ADAM22: variants seen among roughly 807,000 people sequenced by gnomAD.
ADAM22 encodes the protein ADAM metallopeptidase domain 22.
A neutral mutation model predicts 144.6 loss-of-function variants in ADAM22; 65 were observed. The observed-to-expected ratio is 0.45, with a 90% confidence interval of 0.37 to 0.55. The LOEUF (loss-of-function observed/expected upper bound fraction) is 0.55, where lower values mean the gene tolerates loss of function less well. ADAM22 is among the 20% of genes least tolerant of loss of function. ADAM22 has a pLI of 0.00. For synonymous variants in ADAM22, 391 were observed against 412.6 expected, an observed-to-expected ratio of 0.95 and a Z score of 0.63; for missense variants, 974 against 1,184.9, an observed-to-expected ratio of 0.82 and a Z score of 2.61.
At chr7:88,188,946 A>C (rs927051033) in intron 30 of ADAM22, among the ~76,000 whole-genome samples, 1 of 152,232 alleles carries the variant, frequency 6.6e-6, no homozygotes, top group African/African-American at 2.4e-5. Context: ...CACCTGCCTC[A>C]GCCTCCCAGA....
chr7:87,983,357 T>G (rs1854187680), intron 3 of ADAM22, among the ~76,000 whole-genome samples: 1 of 152,130 alleles, frequency 6.6e-6, no homozygotes, highest in African/African-American at 2.4e-5. Context: ...AATTCAGTAT[T>G]TTTGTTTTTA....
intron 2 of ADAM22, among the ~76,000 whole-genome samples, chr7:87,961,785 G>C (rs1157375772): frequency 6.6e-6 from 1 of 152,166 alleles, no homozygotes; most frequent in African/African-American, 2.4e-5. Context: ...CATTAAGACA[G>C]AGTTTTGTTA....
At chr7:88,058,453 G>A (rs1444215362) in intron 3 of ADAM22, among the ~76,000 whole-genome samples, 1 of 152,150 alleles carries the variant, frequency 6.6e-6, no homozygotes, top group Non-Finnish European at 1.5e-5. Context: ...AGAGATGTCT[G>A]TTTAAATATT....
intron 2 of ADAM22, among the ~76,000 whole-genome samples, chr7:87,938,180 T>C (rs891356493): frequency 2.6e-5 from 4 of 151,614 alleles, no homozygotes; most frequent in Admixed American, 6.6e-5. Flanking sequence ...TTCTAATTTA[T>C]GGCATTTTAA....
intron 2 of ADAM22, among the ~76,000 whole-genome samples, chr7:87,943,548 A>G (rs142279165): frequency 2.0e-5 from 3 of 152,276 alleles, no homozygotes; most frequent in Admixed American, 1.3e-4. Flanking sequence ...AAATAGAAAT[A>G]TTTTATATAA....
rs1346808306 is a variant in ADAM22 at position 88,051,761 on chromosome 7, A to C, written c.324-23865A>C. 2.0e-5 allele frequency among the ~76,000 whole-genome samples: 3 copies of C among 152,068 alleles called. No individual in the cohort carries two copies. In the South Asian group the frequency reaches 6.2e-4, roughly 32 times the overall value. ...AGTCCATTTTTTGCTATTTCTTAACAAGTTTTATAGAGTCTTGGCCTTTGA... is the reference window on the plus strand; with the variant it reads ...AGTCCATTTTTTGCTATTTCTTAACCAGTTTTATAGAGTCTTGGCCTTTGA... On this transcript the variant is annotated intron_variant, in intron 3 of 31. Transcript: ENST00000413139.
chr7:88,162,207 G>A (rs868487232), intron 22 of ADAM22, among the ~76,000 whole-genome samples: 2 of 151,814 alleles, frequency 1.3e-5, no homozygotes, highest in East Asian at 1.9e-4. Context: ...GCTGGAGGCC[G>A]TCATCCTTAG....
At chr7:88,074,211 T>A (rs900162999) in intron 3 of ADAM22, among the ~76,000 whole-genome samples, 2 of 152,224 alleles carry the variant, frequency 1.3e-5, no homozygotes, top group African/African-American at 4.8e-5. Flanking sequence ...GTATATTTAG[T>A]GTATCCTGGA....
At chr7:88,170,344 A>G (rs1181939047) in intron 25 of ADAM22, among the ~76,000 whole-genome samples, 1 of 151,902 alleles carries the variant, frequency 6.6e-6, no homozygotes. Flanking sequence ...TACTTATTCT[A>G]TTTGCAATTT....
At chr7:87,944,613 A>G (rs1348273030) in intron 2 of ADAM22, among the ~76,000 whole-genome samples, 1 of 152,162 alleles carries the variant, frequency 6.6e-6, no homozygotes, top group Non-Finnish European at 1.5e-5. Flanking sequence ...AGATATGGTC[A>G]GGAACAGGCT....
chr7:88,053,591 G>GAAAGAAAGAAA lies in ADAM22; in HGVS notation c.324-22035_324-22034insAAAGAAAGAAA, dbSNP rs1807183581. 7.9e-5 allele frequency among the ~76,000 whole-genome samples: 9 copies of GAAAGAAAGAAA among 113,398 alleles called. No homozygotes were observed. The East Asian group carries it at 8.2e-4, about 10-fold the overall frequency. 74.4% of individuals were successfully genotyped at this position (113,398 alleles called of 152,430 possible). A position where few individuals can be genotyped will look rare whatever the true frequency, so the allele number is the denominator to read the frequency against. ...AGGAAGGAGGAAAGGAAGGAAGGAA[G>GAAAGAAAGAAA]GAAAGAAAGAAAGAAAGAAAGAAAG... is the stretch of plus-strand genomic sequence containing the variant. On this transcript the variant is annotated intron_variant, in intron 3 of 31. Coordinates refer to ENST00000413139, the MANE Select transcript of ADAM22 (RefSeq NM_001324418.2).
chr7:88,136,126 A>G, intron 14 of ADAM22, 95 bp downstream of exon 14: 2 of 1,014,350 alleles, frequency 2.0e-6, no homozygotes, highest in Non-Finnish European at 2.8e-6. Flanking sequence ...TAGTGCATGG[A>G]ATCTAGCACT....
intron 3 of ADAM22, among the ~76,000 whole-genome samples, chr7:88,052,771 G>A (rs200403542): frequency 2.0e-5 from 3 of 151,956 alleles, no homozygotes; most frequent in African/African-American, 4.8e-5. Context: ...GTCCTTCCCC[G>A]GTCAGCTATC....
chr7:87,942,355 T>C (rs1206334033), intron 2 of ADAM22, among the ~76,000 whole-genome samples: 4 of 152,206 alleles, frequency 2.6e-5, no homozygotes, highest in Non-Finnish European at 5.9e-5. Flanking sequence ...AAAAATCATG[T>C]GTGACAGGTA....
chr7:88,036,281 C>G (rs1801505546), intron 3 of ADAM22, among the ~76,000 whole-genome samples: 1 of 152,078 alleles, frequency 6.6e-6, no homozygotes, highest in Non-Finnish European at 1.5e-5. Flanking sequence ...GTAATTGATG[C>G]AAGGTTTATT....
chr7:87,959,150 A>C (rs890762186), intron 2 of ADAM22, among the ~76,000 whole-genome samples: 1 of 152,170 alleles, frequency 6.6e-6, no homozygotes, highest in Admixed American at 6.5e-5. Flanking sequence ...TAAATGTTAA[A>C]GGACCTAGAA....
chr7:88,162,331 T>C (rs1008083619), intron 22 of ADAM22, among the ~76,000 whole-genome samples: 1 of 151,906 alleles, frequency 6.6e-6, no homozygotes, highest in African/African-American at 2.4e-5. Context: ...TGGGACCTAT[T>C]TGAGGGATGT....
intron 21 of ADAM22, among the ~76,000 whole-genome samples, chr7:88,154,288 C>A (rs1471892736): frequency 6.6e-6 from 1 of 152,166 alleles, no homozygotes; most frequent in Non-Finnish European, 1.5e-5. Flanking sequence ...ACCTATTCAA[C>A]AATTGTCCCC....
At chr7:88,078,503 C>T (rs1169541178) in intron 4 of ADAM22, among the ~76,000 whole-genome samples, 1 of 152,256 alleles carries the variant, frequency 6.6e-6, no homozygotes, top group Non-Finnish European at 1.5e-5. Flanking sequence ...CGGAGAATGA[C>T]TTTGACGAGT....
Sources: allele counts gnomAD v4.1 joint callset (sites outside exome capture counted in the v4.1 genomes callset), GRCh38; gene constraint gnomAD v4.1.1; transcripts MANE v1.5; gene names NCBI Gene and HGNC (gene_info 2026-07-23, HGNC 2026-07-21).